NEXMIF: variants seen among roughly 807,000 people sequenced by gnomAD.
NEXMIF encodes neurite extension and migration factor.
NEXMIF carries 8 observed loss-of-function variants against 62.1 expected under a neutral mutation model. The observed-to-expected ratio is 0.13, with a 90% confidence interval of 0.08 to 0.23. NEXMIF has a LOEUF of 0.23. NEXMIF is among the 10% of genes least tolerant of loss of function. The pLI is 1.00. For synonymous variants in NEXMIF, 404 were observed against 416.6 expected (o/e 0.97, Z 0.37); for missense variants, 976 against 1,113.3 (o/e 0.88, Z 1.75).
intron 1 of NEXMIF, among the ~76,000 whole-genome samples, chrX:74,864,540 T>C (rs1300637752): frequency 9.0e-6 from 1 of 111,549 alleles, no homozygotes; most frequent in Admixed American, 9.5e-5. Flanking sequence ...AGGGATCTGA[T>C]GGTTTTATAA....
At chrX:74,912,675 TTTCCCAAACCCCAA>T (rs1228674963) in intron 1 of NEXMIF, among the ~76,000 whole-genome samples, 1 of 111,480 alleles carries the variant, frequency 9.0e-6, no homozygotes, top group Admixed American at 9.5e-5. Context: ...CTGTGCCAGT[TTTCCCAAACCCCAA>T]TTCCTGTAGT....
At chrX:74,914,283 C>T (rs1313120452) in intron 1 of NEXMIF, among the ~76,000 whole-genome samples, 1 of 111,995 alleles carries the variant, frequency 8.9e-6, no homozygotes, top group East Asian at 2.8e-4. Context: ...GTTTAAAAAA[C>T]TAAAACATAC....
intron 1 of NEXMIF, among the ~76,000 whole-genome samples, chrX:74,760,815 A>G (rs1306253462): frequency 2.8e-5 from 3 of 108,564 alleles, no homozygotes; most frequent in Non-Finnish European, 5.7e-5. Context: ...TGATGCATCA[A>G]TGTTCATCAA....
intron 1 of NEXMIF, among the ~76,000 whole-genome samples, chrX:74,754,765 GAACT>G (rs1311092766): frequency 5.4e-5 from 6 of 111,436 alleles, no homozygotes; most frequent in South Asian, 3.7e-4. Context: ...AAGAATTATA[GAACT>G]ATCTATTCAT....
chrX:74,827,413 G>T (rs1156658723), intron 1 of NEXMIF, among the ~76,000 whole-genome samples: 8 of 111,649 alleles, frequency 7.2e-5, no homozygotes, highest in Non-Finnish European at 1.5e-4. Context: ...CATTCCAGTT[G>T]TTGGGTCATT....
chrX:74,882,355 T>G (rs747210394), intron 1 of NEXMIF, among the ~76,000 whole-genome samples: 31 of 112,127 alleles, frequency 2.8e-4, no homozygotes, highest in African/African-American at 9.4e-4. Flanking sequence ...AGGCTTCGCC[T>G]CACCCGGGAA....
At chrX:74,879,634 T>C (rs2080654787) in intron 1 of NEXMIF, among the ~76,000 whole-genome samples, 1 of 112,154 alleles carries the variant, frequency 8.9e-6, no homozygotes, top group Non-Finnish European at 1.9e-5. Context: ...ATTTCAAGAA[T>C]GTACTGACAT....
intron 1 of NEXMIF, among the ~76,000 whole-genome samples, chrX:74,766,271 T>C (rs2080194685): frequency 9.0e-6 from 1 of 111,471 alleles, no homozygotes; most frequent in Non-Finnish European, 1.9e-5. Context: ...CAAATTTGAC[T>C]GTTGGCATCT....
chrX:74,818,317 C>T (rs1488493425), intron 1 of NEXMIF, among the ~76,000 whole-genome samples: 4 of 110,765 alleles, frequency 3.6e-5, no homozygotes, highest in South Asian at 3.8e-4. Context: ...GAAATAAAGC[C>T]GCACACCTAC....
At chrX:74,820,330 T>TATAATAATAATAATAATAATA (rs759039271) in intron 1 of NEXMIF, among the ~76,000 whole-genome samples, 3 of 108,273 alleles carry the variant, frequency 2.8e-5, no homozygotes, top group African/African-American at 1.0e-4. Flanking sequence ...GAACTTAAAG[T>TATAATAATAATAATAATAATA]ATAATAATAA....
Position 74,889,895 on chromosome X carries a change from TTTC to T in NEXMIF, c.-48+34985_-48+34987del, listed in dbSNP as rs748015698. 3.6e-3 allele frequency among the ~76,000 whole-genome samples: 395 copies of T among 110,636 alleles called. 1 individual carries two copies. Among genetic ancestry groups the T allele is most frequent in the African/African-American group, 9.8e-3 (297 of 30,450 alleles). ...ACACTGCTCTTCAGTCTGCTTTAGT[TTTC>T]TTCTTTTTGTCTGATGTTTCAAGGT... On this transcript the variant is annotated intron_variant, in intron 1 of 3. Coordinates refer to ENST00000055682, the MANE Select transcript of NEXMIF (RefSeq NM_001008537.3).
At chrX:74,841,996 G>A (rs1311683775) in intron 1 of NEXMIF, among the ~76,000 whole-genome samples, 1 of 111,741 alleles carries the variant, frequency 8.9e-6, no homozygotes, top group African/African-American at 3.3e-5. Context: ...GGCCTCACAG[G>A]ATGAGTTGGG....
intron 1 of NEXMIF, among the ~76,000 whole-genome samples, chrX:74,826,183 AT>A (rs772552914): frequency 1.8e-5 from 2 of 111,715 alleles, no homozygotes; most frequent in South Asian, 7.4e-4. Flanking sequence ...AGCATCTGTT[AT>A]TTTTTGGCTT....
chrX:74,884,182 T>C (rs1357914109), intron 1 of NEXMIF, among the ~76,000 whole-genome samples: 1 of 111,953 alleles, frequency 8.9e-6, no homozygotes, highest in African/African-American at 3.3e-5. Context: ...TACCAGCCAC[T>C]GCAAACACAT....
intron 1 of NEXMIF, among the ~76,000 whole-genome samples, chrX:74,841,860 G>A (rs1049622269): frequency 2.7e-5 from 3 of 111,423 alleles, no homozygotes; most frequent in Non-Finnish European, 5.6e-5. Flanking sequence ...AGCTTTTGAC[G>A]TGCTGCTGGA....
intron 1 of NEXMIF, among the ~76,000 whole-genome samples, chrX:74,830,869 T>A (rs757832618): frequency 5.4e-5 from 6 of 112,142 alleles, no homozygotes; most frequent in African/African-American, 1.9e-4. Context: ...TCTTGGTATA[T>A]AGAAATGCTA....
chrX:74,789,461 A>G (rs1039548036), intron 1 of NEXMIF, among the ~76,000 whole-genome samples: 1 of 110,445 alleles, frequency 9.1e-6, no homozygotes, highest in Admixed American at 9.7e-5. Context: ...TTATAGCAGC[A>G]TGATTTATAG....
intron 1 of NEXMIF, among the ~76,000 whole-genome samples, chrX:74,873,728 T>C: frequency 8.9e-6 from 1 of 112,627 alleles, no homozygotes; most frequent in African/African-American, 3.2e-5. Flanking sequence ...TGATTTGCAT[T>C]TCTCTGATGG....
intron 1 of NEXMIF, among the ~76,000 whole-genome samples, chrX:74,878,730 C>T (rs990654744): frequency 1.3e-4 from 15 of 112,542 alleles, no homozygotes; most frequent in African/African-American, 3.5e-4. Flanking sequence ...GCGCAGTATT[C>T]GGGTGGGAGT....
Sources: allele counts gnomAD v4.1 joint callset (sites outside exome capture counted in the v4.1 genomes callset), GRCh38; gene constraint gnomAD v4.1.1; transcripts MANE v1.5; gene names NCBI Gene and HGNC (gene_info 2026-07-23, HGNC 2026-07-21).